Variants in KCNQ1 observed in about 807,000 individuals in gnomAD.
The protein encoded by KCNQ1 is potassium voltage-gated channel subfamily Q member 1.
Under a neutral mutation model 72.4 loss-of-function variants are expected in KCNQ1, and 49 were observed. That is an observed-to-expected ratio of 0.68 (90% CI 0.54 to 0.86). The LOEUF is 0.86. Among genes scored for constraint, KCNQ1 ranks in the 40% least tolerant of loss-of-function variants. KCNQ1 has a pLI of 0.00. For missense variants in KCNQ1, 790 were observed against 945.1 expected (o/e 0.84, Z 2.15); for synonymous variants, 450 against 412.6 (o/e 1.09, Z -1.10).
intron 2 of KCNQ1, among the ~76,000 whole-genome samples, chr11:2,529,804 G>T (rs1300242319): frequency 6.6e-6 from 1 of 152,164 alleles, no homozygotes; most frequent in Non-Finnish European, 1.5e-5. Context: ...CCTGCGGCCA[G>T]CGGGGCCCTC....
chr11:2,581,922 G>A (rs1848504686), intron 6 of KCNQ1, among the ~76,000 whole-genome samples: 1 of 152,214 alleles, frequency 6.6e-6, no homozygotes, highest in South Asian at 2.1e-4. Context: ...GGCGCTGCAG[G>A]GAGAGCTCCG....
At position 2,455,320 on chromosome 11, in the gene KCNQ1, G is replaced by C. The variant is rs1017611248; in HGVS notation, c.386+9836G>C. Among the ~76,000 whole-genome samples, 6 of 152,114 alleles carry C rather than the reference G, an allele frequency of 3.9e-5. 1 individual carries two copies. In the South Asian group the frequency reaches 8.3e-4, roughly 21 times the overall value. Reference sequence around the variant, plus strand: ...TCACCGTGTTAGCCAGGATGGTCTTGATCTCCTGACCTTGTGATCCACCCG... The same window carrying C: ...TCACCGTGTTAGCCAGGATGGTCTTCATCTCCTGACCTTGTGATCCACCCG... On this transcript the variant is annotated intron_variant, in intron 1 of 15. Transcript: ENST00000155840.
chr11:2,839,068 C>T (rs866323880), intron 15 of KCNQ1, among the ~76,000 whole-genome samples: 52 of 152,344 alleles, frequency 3.4e-4, no homozygotes, highest in South Asian at 2.9e-3. Flanking sequence ...TGGACAGAGC[C>T]GCCCCTGCCT....
At chr11:2,832,672 C>T (rs561392907) in intron 15 of KCNQ1, among the ~76,000 whole-genome samples, 3 of 152,220 alleles carry the variant, frequency 2.0e-5, no homozygotes, top group Non-Finnish European at 4.4e-5. Context: ...GAGCATGTTC[C>T]CTCTGTAGCT....
In KCNQ1 at chr11:2,623,057, C is replaced by G; in HGVS notation, c.1393+34203C>G. On this transcript the variant is annotated intron_variant, in intron 10 of 15. Transcript: ENST00000155840. The surrounding 1 kb of genome is among the most constrained non-coding windows in gnomAD (Gnocchi z 5.2). ...GGGCCTGGTGGGGGGCAAACTTCCC[C>G]CTTGCTGTTCTCATGATAGTGAGTT... 1 of 398,608 alleles carries G rather than the reference C, an allele frequency of 2.5e-6. No individual in the cohort carries two copies. The highest frequency in any genetic ancestry group is 4.4e-6 in the Non-Finnish European group (1 of 226,118). 24.7% of individuals were successfully genotyped at this position (398,608 alleles called of 1,614,324 possible). A position where few individuals can be genotyped will look rare whatever the true frequency, so the allele number is the denominator to read the frequency against.
rs537220496 is a variant in KCNQ1, at chr11:2,528,382, T to A, written c.477+364T>A. ...CGTGTCCCTGGGGTCTGGGTGACTC[T>A]GTTCCTGGGTTATGGCTGGCACACA... is the stretch of plus-strand genomic sequence containing the variant. On this transcript the variant is annotated intron_variant, in intron 2 of 15. Coordinates refer to ENST00000155840, the MANE Select transcript of KCNQ1 (RefSeq NM_000218.3). Among the ~76,000 whole-genome samples the A allele has an allele frequency of 9.2e-5, 14 of 152,326 alleles. No homozygotes were observed. In the South Asian group the frequency reaches 2.9e-3, roughly 32 times the overall value.
intron 12 of KCNQ1, among the ~76,000 whole-genome samples, chr11:2,771,987 C>A (rs886232358): frequency 6.6e-6 from 1 of 152,158 alleles, no homozygotes. Flanking sequence ...GCCCTGGGAG[C>A]CTTGCAGAAA....
rs748827200 is a variant in KCNQ1, at chr11:2,571,511, C to T, written c.683+108C>T. 7.8e-6 allele frequency: 7 copies of T among 900,662 alleles called. No individual in the cohort carries two copies. The South Asian group carries it at 9.5e-5, about 12-fold the overall frequency. 55.8% of individuals were successfully genotyped at this position (900,662 alleles called of 1,614,324 possible). On this transcript the variant is annotated intron_variant, in intron 4 of 15. Transcript: ENST00000155840. ...TCCACCTTGCTCAGATGCAAGGTGC[C>T]TTGGTGCCCACTGCCCCCGGGGGCA...
In KCNQ1 at chr11:2,445,136, A is replaced by G. The variant is rs1060500622; in HGVS notation, c.38A>G (p.Lys13Arg). ...AASSPPRAER[K>R]RWGWGRLPGA... ...TCCTCCCCGCCCAGGGCCGAGAGGA[A>G]GCGCTGGGGTTGGGGCCGCCTGCCA... Residue 13 changes from lysine (K) to arginine (R), a missense_variant, in exon 1 of 16, where the codon AAG becomes AGG. By Grantham distance (26) the Lys-to-Arg change is conservative. Around this residue, in one of 5 missense-constraint regions of KCNQ1, gnomAD observed 294 missense variants for 323.3 expected, o/e 0.91. Coordinates refer to ENST00000155840, the MANE Select transcript of KCNQ1 (RefSeq NM_000218.3). 3.6e-6 allele frequency: 4 copies of G among 1,112,530 alleles called. No homozygotes were observed. The highest frequency in any genetic ancestry group is 4.4e-6 in the Non-Finnish European group (4 of 909,650). The allele number at this position is 1,112,530 out of a possible 1,614,324, so 68.9% of individuals were successfully genotyped here.
At position 2,635,236 on chromosome 11, in the gene KCNQ1, T is replaced by G. The variant is rs1343677172; in HGVS notation, c.1394-26725T>G. 7 of 152,226 alleles carry G rather than the reference T, an allele frequency of 4.6e-5. No homozygotes were observed. In the East Asian group the frequency reaches 1.3e-3, roughly 29 times the overall value. 9.4% of individuals were successfully genotyped at this position (152,226 alleles called of 1,614,324 possible). On this transcript the variant is annotated intron_variant, in intron 10 of 15. Transcript: ENST00000155840. ...TTTTGTTGCCATTGCTTTTGGTGTT[T>G]TAGACATGAAGTCCTTGCCCATGCC...
intron 1 of KCNQ1, among the ~76,000 whole-genome samples, chr11:2,472,452 C>G (rs1046407315): frequency 2.0e-5 from 3 of 152,044 alleles, no homozygotes; most frequent in African/African-American, 7.3e-5. Context: ...ATGTCCCTCA[C>G]AGGGCAGAGC....
chr11:2,761,177 C>T (rs1846387384), intron 11 of KCNQ1, among the ~76,000 whole-genome samples: 1 of 152,002 alleles, frequency 6.6e-6, no homozygotes, highest in Non-Finnish European at 1.5e-5. Context: ...TGGTTTTCCC[C>T]TGGCATCAGG....
At chr11:2,738,323 G>C (rs1845993411) in intron 11 of KCNQ1, among the ~76,000 whole-genome samples, 1 of 152,182 alleles carries the variant, frequency 6.6e-6, no homozygotes, top group African/African-American at 2.4e-5. Flanking sequence ...TTATCATGAA[G>C]CCGGGAGATC....
At chr11:2,634,349 C>A (rs1849419567) in intron 10 of KCNQ1, 1 of 227,142 alleles carries the variant, frequency 4.4e-6, no homozygotes, top group Non-Finnish European at 7.4e-6. Flanking sequence ...CCACAACAGG[C>A]CCTGGTGGGT....
In KCNQ1 at chr11:2,844,351, G is replaced by A. The variant is rs559977856; in HGVS notation, c.1795-3416G>A. The stretch of plus-strand genomic sequence containing the variant: ...ATCCTGGCCCACCCCCGGGGCCTCT[G>A]TCACCAGCAGCTGGGATGATGAGAG... On this transcript the variant is annotated intron_variant, in intron 15 of 15. Coordinates refer to ENST00000155840, the MANE Select transcript of KCNQ1 (RefSeq NM_000218.3). Among the ~76,000 whole-genome samples the A allele has an allele frequency of 1.2e-4, 19 of 152,324 alleles. No individual in the cohort carries two copies. In the South Asian group the frequency reaches 3.1e-3, roughly 25 times the overall value.
At chr11:2,804,744 G>A (rs963697068) in intron 15 of KCNQ1, among the ~76,000 whole-genome samples, 48 of 152,172 alleles carry the variant, frequency 3.2e-4, no homozygotes, top group African/African-American at 1.0e-3. Context: ...AGACGGAGGC[G>A]ACACCAAGGC....
Position 2,848,046 on chromosome 11 carries a change from GCCAAGAGTGGCC to G in KCNQ1, c.*47_*58del, listed in dbSNP as rs769209557. The G allele has an allele frequency of 2.0e-6, 3 of 1,478,544 alleles. No individual in the cohort carries two copies. Among genetic ancestry groups the G allele is most frequent in the Non-Finnish European group, 2.7e-6 (3 of 1,091,476 alleles). 91.6% of individuals were successfully genotyped at this position (1,478,544 alleles called of 1,614,324 possible). A position where few individuals can be genotyped will look rare whatever the true frequency, so the allele number is the denominator to read the frequency against. ...GGGATGGGCCTGAGTGAGAGGGGAG[GCCAAGAGTGGCC>G]CCACCTGGCCCTCTCTGAAGGAGGC... On this transcript the variant is annotated 3_prime_UTR_variant, in exon 16 of 16. Coordinates refer to ENST00000155840, the MANE Select transcript of KCNQ1 (RefSeq NM_000218.3).
intron 10 of KCNQ1, among the ~76,000 whole-genome samples, chr11:2,607,067 T>A (rs1029952398): frequency 6.6e-6 from 1 of 151,966 alleles, no homozygotes; most frequent in Non-Finnish European, 1.5e-5. Context: ...CATGCCTGGC[T>A]AATTTTTTTG....
rs1849686400 is a variant in KCNQ1, at chr11:2,647,623, A to C, written c.1394-14338A>C. The stretch of plus-strand genomic sequence containing the variant: ...TAGAATTCAGTAGAAAACCCGTGCA[A>C]TCCTGAGGTTTTCTTTACTGGGAGA... On this transcript the variant is annotated intron_variant, in intron 10 of 15. Coordinates refer to ENST00000155840, the MANE Select transcript of KCNQ1 (RefSeq NM_000218.3). This position sits in a 1 kb window ranked among gnomAD's most constrained non-coding sequence, Gnocchi z 4.0. 5.0e-6 allele frequency: 2 copies of C among 398,376 alleles called. No individual in the cohort carries two copies. The highest frequency in any genetic ancestry group is 8.8e-6 in the Non-Finnish European group (2 of 226,036). 24.7% of individuals were successfully genotyped at this position (398,376 alleles called of 1,614,324 possible). A position where few individuals can be genotyped will look rare whatever the true frequency, so the allele number is the denominator to read the frequency against.
Sources: allele counts gnomAD v4.1 joint callset (sites outside exome capture counted in the v4.1 genomes callset), GRCh38; gene constraint gnomAD v4.1.1; regional missense constraint gnomAD v4.1.1; non-coding constraint Gnocchi (gnomAD v3.1); transcripts MANE v1.5; gene names NCBI Gene and HGNC (gene_info 2026-07-23, HGNC 2026-07-21).